Variants in HUNK observed in about 807,000 individuals in gnomAD.
HUNK encodes hormonally up-regulated Neu-associated kinase.
Under a neutral mutation model 61.0 loss-of-function variants are expected in HUNK, and 21 were observed. The observed-to-expected ratio is 0.34, with a 90% CI of 0.24 to 0.50. The LOEUF (loss-of-function observed/expected upper bound fraction) is 0.50. Ranked by LOEUF, HUNK falls within the 20% of genes least tolerant of loss-of-function variation. The probability of loss-of-function intolerance (pLI) is 0.98; values close to 1 mark genes in which losing one functional copy is unlikely to be tolerated. For missense variants in HUNK, 772 were observed against 945.7 expected (o/e 0.82, Z 2.41); for synonymous variants, 371 against 386.1 (o/e 0.96, Z 0.46).
chr21:31,888,373 T>C (rs1179584540), intron 1 of HUNK, among the ~76,000 whole-genome samples: 1 of 152,188 alleles, frequency 6.6e-6, no homozygotes, highest in Non-Finnish European at 1.5e-5. Flanking sequence ...AGAGGTGCTT[T>C]TCTCACATAT....
At chr21:31,947,574 G>T (rs558713025) in intron 4 of HUNK, among the ~76,000 whole-genome samples, 21 of 152,354 alleles carry the variant, frequency 1.4e-4, no homozygotes, top group African/African-American at 5.1e-4. Flanking sequence ...TCTGCACGAA[G>T]GGAGGGAATT....
chr21:31,949,043 C>T (rs1205382709), intron 4 of HUNK, among the ~76,000 whole-genome samples: 1 of 152,246 alleles, frequency 6.6e-6, no homozygotes, highest in Non-Finnish European at 1.5e-5. Flanking sequence ...CTGTGAGACA[C>T]ATCTCTTGCC....
chr21:31,991,180 T>C (rs560384175), intron 9 of HUNK, among the ~76,000 whole-genome samples: 23 of 152,296 alleles, frequency 1.5e-4, no homozygotes, highest in Admixed American at 1.5e-3. Flanking sequence ...TGCAGCTATC[T>C]AGAGCTTCCT....
At chr21:31,906,659 G>A (rs13049168) in intron 1 of HUNK, among the ~76,000 whole-genome samples, 4 of 151,936 alleles carry the variant, frequency 2.6e-5, no homozygotes, top group Non-Finnish European at 5.9e-5. Flanking sequence ...TGAACTCCTG[G>A]GCTCAAGCGA....
At chr21:31,942,007 C>A (rs1230567217) in intron 3 of HUNK, among the ~76,000 whole-genome samples, 1 of 152,182 alleles carries the variant, frequency 6.6e-6, no homozygotes, top group East Asian at 1.9e-4. Context: ...GTCAGGAGTT[C>A]AAGACCAGCC....
intron 1 of HUNK, among the ~76,000 whole-genome samples, chr21:31,891,732 T>G (rs1311440772): frequency 6.6e-6 from 1 of 152,198 alleles, no homozygotes; most frequent in Non-Finnish European, 1.5e-5. Context: ...TGCTTTTATT[T>G]TAGGAAGGGG....
intron 8 of HUNK, among the ~76,000 whole-genome samples, chr21:31,987,748 C>T (rs1243962770): frequency 2.0e-5 from 3 of 152,206 alleles, no homozygotes; most frequent in Non-Finnish European, 4.4e-5. Context: ...CAACTTGTCT[C>T]CCGAGGAACC....
chr21:31,888,071 C>T (rs1188807637), intron 1 of HUNK, among the ~76,000 whole-genome samples: 1 of 152,016 alleles, frequency 6.6e-6, no homozygotes, highest in African/African-American at 2.4e-5. Flanking sequence ...GTACTGTTGT[C>T]CTGATTTTGC....
chr21:31,960,109 G>A (rs1295252929), intron 5 of HUNK, among the ~76,000 whole-genome samples: 1 of 152,218 alleles, frequency 6.6e-6, no homozygotes, highest in Non-Finnish European at 1.5e-5. Flanking sequence ...GTGCGGCAGA[G>A]CACTCTGAGG....
intron 1 of HUNK, among the ~76,000 whole-genome samples, chr21:31,923,033 C>T (rs970952283): frequency 7.2e-5 from 11 of 152,064 alleles, no homozygotes; most frequent in South Asian, 6.2e-4. Context: ...ATGAACCAGG[C>T]GGGTGGTGTA....
chr21:31,914,871 C>T (rs762981569), intron 1 of HUNK, among the ~76,000 whole-genome samples: 2 of 152,140 alleles, frequency 1.3e-5, no homozygotes, highest in East Asian at 1.9e-4. Context: ...AATACAGTCA[C>T]GTTGGGGGTT....
chr21:31,975,725 G>T (rs1178003816), intron 7 of HUNK, among the ~76,000 whole-genome samples: 1 of 152,190 alleles, frequency 6.6e-6, no homozygotes, highest in Non-Finnish European at 1.5e-5. Context: ...AATAGGCTTA[G>T]AAACCTTTTT....
At chr21:31,956,619 T>G (rs540928994) in intron 4 of HUNK, among the ~76,000 whole-genome samples, 1 of 152,250 alleles carries the variant, frequency 6.6e-6, no homozygotes, top group African/African-American at 2.4e-5. Flanking sequence ...TCAGTACCAT[T>G]CTGTTACCAC....
At chr21:31,880,641 C>T (rs1482866877) in intron 1 of HUNK, among the ~76,000 whole-genome samples, 1 of 152,170 alleles carries the variant, frequency 6.6e-6, no homozygotes, top group East Asian at 1.9e-4. Flanking sequence ...TCCAGTGTTG[C>T]CTCATTTTAA....
At chr21:31,968,197 G>A in intron 5 of HUNK, 53 bp from the exon 6 acceptor site, 1 of 1,609,494 alleles carries the variant, frequency 6.2e-7, no homozygotes, top group Non-Finnish European at 8.5e-7. Flanking sequence ...GCTTTCACTG[G>A]TGTCTGCGTT....
At chr21:31,948,854 A>T (rs1178285203) in intron 4 of HUNK, among the ~76,000 whole-genome samples, 1 of 152,180 alleles carries the variant, frequency 6.6e-6, no homozygotes, top group East Asian at 1.9e-4. Context: ...GAAACAGACC[A>T]GAATGAGATG....
rs369480730 is a variant in HUNK at position 31,974,515 on chromosome 21, A to C, written c.1011-40A>C. On this transcript the variant is annotated intron_variant, in intron 6 of 10. Coordinates refer to ENST00000270112, the MANE Select transcript of HUNK (RefSeq NM_014586.2). Reference sequence around the variant, plus strand: ...GGGGTCTGTGTGGGGCTCTCCGTGAAGTGCAGGGGTGACTGGTCCTCTCTC... The same window carrying C: ...GGGGTCTGTGTGGGGCTCTCCGTGACGTGCAGGGGTGACTGGTCCTCTCTC... The C allele has an allele frequency of 7.0e-6, 11 of 1,565,970 alleles. No homozygotes were observed. In the African/African-American group the frequency reaches 1.5e-4, roughly 21 times the overall value.
intron 3 of HUNK, among the ~76,000 whole-genome samples, chr21:31,942,052 A>G (rs191724081): frequency 6.6e-6 from 1 of 152,338 alleles, no homozygotes; most frequent in Non-Finnish European, 1.5e-5. Context: ...TCTATTAAAA[A>G]TGCAAAAAGT....
chr21:31,926,969 TTTTC>T (rs1254297867), intron 2 of HUNK, among the ~76,000 whole-genome samples: 9 of 151,388 alleles, frequency 5.9e-5, no homozygotes, highest in South Asian at 4.2e-4. Context: ...TTTCTTTCCT[TTTTC>T]TTTCTTTCTT....
Sources: allele counts gnomAD v4.1 joint callset (sites outside exome capture counted in the v4.1 genomes callset), GRCh38; gene constraint gnomAD v4.1.1; transcripts MANE v1.5; gene names NCBI Gene and HGNC (gene_info 2026-07-23, HGNC 2026-07-21).